Variants in TEX36 observed in about 807,000 individuals in gnomAD.
TEX36 encodes testis-expressed protein 36.
In TEX36, 12 loss-of-function variants were observed where a neutral mutation model predicts 13.6. That is an observed-to-expected ratio of 0.88 (90% CI 0.56 to 1.43). The LOEUF (loss-of-function observed/expected upper bound fraction) is 1.43. TEX36 is among the 40% of genes most tolerant of loss of function. TEX36 has a pLI of 0.00. For missense variants in TEX36, 224 were observed against 228.3 expected (o/e 0.98, Z 0.12); for synonymous variants, 93 against 83.0 (o/e 1.12, Z -0.65).
At chr10:125,577,578 T>G (rs1845839367) in intron 3 of TEX36, among the ~76,000 whole-genome samples, 1 of 152,154 alleles carries the variant, frequency 6.6e-6, no homozygotes, top group Non-Finnish European at 1.5e-5. Context: ...AAATGTGGAG[T>G]GAAAACATCA....
intron 1 of TEX36, among the ~76,000 whole-genome samples, chr10:125,674,882 C>A (rs1213045282): frequency 6.6e-6 from 1 of 152,264 alleles, no homozygotes; most frequent in African/African-American, 2.4e-5. Flanking sequence ...AGGGGTCTCA[C>A]CCAGTCAGGA....
intron 3 of TEX36, among the ~76,000 whole-genome samples, chr10:125,650,178 A>C (rs1483253590): frequency 2.6e-5 from 4 of 152,222 alleles, no homozygotes; most frequent in Non-Finnish European, 4.4e-5. Context: ...CTCCACCTCA[A>C]ATCAACAGAA....
chr10:125,578,236 G>C (rs1382169473), intron 3 of TEX36: 1 of 152,178 alleles, frequency 6.6e-6, no homozygotes, highest in Non-Finnish European at 1.5e-5. Flanking sequence ...TGTTCTGAGA[G>C]CTGCTGATAA....
At chr10:125,617,750 T>C (rs1846377070), downstream of TEX36, among the ~76,000 whole-genome samples, 1 of 152,212 alleles carries the variant, frequency 6.6e-6, no homozygotes, top group South Asian at 2.1e-4. Context: ...TTGGTGAATC[T>C]GACAATTATG....
downstream of TEX36, among the ~76,000 whole-genome samples, chr10:125,617,545 A>G (rs1846375280): frequency 6.6e-6 from 1 of 152,130 alleles, no homozygotes; most frequent in Non-Finnish European, 1.5e-5. Flanking sequence ...TTCACTTATG[A>G]AGCTTAGTTT....
At chr10:125,597,278 G>T (rs1589747085) in intron 3 of TEX36, among the ~76,000 whole-genome samples, 1 of 152,164 alleles carries the variant, frequency 6.6e-6, no homozygotes. Flanking sequence ...TCCACCCATT[G>T]GGGTTCCTCC....
intron 3 of TEX36, among the ~76,000 whole-genome samples, chr10:125,635,931 T>G (rs1483701653): frequency 6.6e-6 from 1 of 152,020 alleles, no homozygotes; most frequent in Non-Finnish European, 1.5e-5. Context: ...TCGAGTGCAG[T>G]GACACAATCA....
intron 3 of TEX36, among the ~76,000 whole-genome samples, chr10:125,598,953 C>T (rs1246332719): frequency 2.6e-5 from 4 of 152,118 alleles, no homozygotes; most frequent in Admixed American, 2.6e-4. Flanking sequence ...ACCATATCAA[C>T]CCTATTTTTC....
chr10:125,618,734 G>A (rs1263193139), downstream of TEX36, among the ~76,000 whole-genome samples: 1 of 151,916 alleles, frequency 6.6e-6, no homozygotes, highest in Non-Finnish European at 1.5e-5. Context: ...TCCAAGAAAG[G>A]TTATCTTTGT....
intron 3 of TEX36, chr10:125,640,114 C>T (rs146535130): frequency 2.5e-4 from 247 of 980,736 alleles, no homozygotes; most frequent in Non-Finnish European, 2.9e-4. Flanking sequence ...TTGTTTTTTC[C>T]GTTCAGAACT....
intron 3 of TEX36, among the ~76,000 whole-genome samples, chr10:125,637,521 T>C (rs1336088019): frequency 6.6e-6 from 1 of 152,108 alleles, no homozygotes; most frequent in Non-Finnish European, 1.5e-5. Context: ...ATCTTAGCGA[T>C]TGTGAACAGT....
At chr10:125,614,475 G>T (rs1846331808) in intron 3 of TEX36, among the ~76,000 whole-genome samples, 1 of 150,846 alleles carries the variant, frequency 6.6e-6, no homozygotes, top group South Asian at 2.1e-4. Flanking sequence ...GTAAGGAAGG[G>T]ATCCAGTTTC....
At chr10:125,617,241 A>G (rs1846372077), downstream of TEX36, among the ~76,000 whole-genome samples, 1 of 151,660 alleles carries the variant, frequency 6.6e-6, no homozygotes, top group Non-Finnish European at 1.5e-5. Flanking sequence ...TCTTTATCCA[A>G]TTTGCCAGTC....
At position 125,682,974 on chromosome 10, in the gene TEX36, G is replaced by A. The variant is rs76637973; in HGVS notation, c.16C>T (p.Arg6Cys). Residue 6 changes from arginine to cysteine, a missense_variant, in exon 1 of 4, where the codon CGC (arginine) becomes TGC (cysteine). Transcript: ENST00000368821. ...TCCTTGTCTGAAGGTGGGTTGAAGCGTCGCCCTTTGGTCATTCTCTCCAGG... is the reference window on the plus strand; with the variant it reads ...TCCTTGTCTGAAGGTGGGTTGAAGCATCGCCCTTTGGTCATTCTCTCCAGG... MTKGRRFNPPSDKDGR... is the reference protein window; with the variant it reads MTKGRCFNPPSDKDGR... 913 of 1,551,710 alleles carry A rather than the reference G, an allele frequency of 5.9e-4. 5 individuals are homozygous for A. In the East Asian group the frequency reaches 6.8e-3, roughly 12 times the overall value.
At chr10:125,598,914 C>A (rs1052317401) in intron 3 of TEX36, among the ~76,000 whole-genome samples, 1 of 152,096 alleles carries the variant, frequency 6.6e-6, no homozygotes, top group Non-Finnish European at 1.5e-5. Context: ...GCTGGTTAAC[C>A]ACTAACAAAT....
intron 3 of TEX36, 53 bp from the exon 4 acceptor site, chr10:125,656,249 CTTTTTTT>C (rs66461124): frequency 4.0e-4 from 104 of 262,542 alleles, no homozygotes; most frequent in Middle Eastern, 1.6e-3. Flanking sequence ...TCACATAGTT[CTTTTTTT>C]TTTTTTTTTT....
At chr10:125,602,464 G>A (rs1031600713) in intron 3 of TEX36, among the ~76,000 whole-genome samples, 9 of 152,230 alleles carry the variant, frequency 5.9e-5, no homozygotes, top group Non-Finnish European at 1.3e-4. Flanking sequence ...GCCCCGTCTC[G>A]TGCTGTTCCC....
intron 2 of TEX36, 142 bp from the exon 3 acceptor site, chr10:125,661,243 G>T (rs1450425172): frequency 2.9e-6 from 2 of 694,604 alleles, no homozygotes; most frequent in Admixed American, 4.3e-5. Flanking sequence ...CAGAGATGGA[G>T]CAGACACAGG....
chr10:125,623,188 C>T (rs1288537973), intron 3 of TEX36, among the ~76,000 whole-genome samples: 2 of 152,204 alleles, frequency 1.3e-5, no homozygotes, highest in Non-Finnish European at 2.9e-5. Context: ...GTTGTAAGGC[C>T]ATTCCACTGT....
Sources: gnomAD v4.1 joint callset for allele counts (sites outside exome capture counted in the v4.1 genomes callset) on GRCh38, gnomAD v4.1.1 for gene constraint, MANE v1.5 for transcripts, NCBI Gene and HGNC (gene_info 2026-07-23, HGNC 2026-07-21) for gene names.